PLPP1: variants seen among roughly 807,000 people sequenced by gnomAD.
PLPP1 encodes lipid phosphate phosphohydrolase 1a.
In PLPP1, 24 loss-of-function variants were observed where a neutral mutation model predicts 31.2. The ratio of observed to expected loss-of-function variants is 0.77; its 90% CI spans 0.56 to 1.08. PLPP1 has a LOEUF of 1.08. PLPP1 is among the 50% of genes least tolerant of loss of function. The pLI, the probability that PLPP1 is intolerant of heterozygous loss-of-function variation, is 0.00. For synonymous variants in PLPP1, 146 were observed against 126.3 expected (o/e 1.16, Z -1.05); for missense variants, 319 against 342.7 (o/e 0.93, Z 0.55).
At chr5:55,465,804 T>C (rs1261104746) in intron 3 of PLPP1, among the ~76,000 whole-genome samples, 1 of 152,202 alleles carries the variant, frequency 6.6e-6, no homozygotes, top group African/African-American at 2.4e-5. Flanking sequence ...ACTCCTCCAC[T>C]GAACACTCTG....
At chr5:55,512,723 T>TAC (rs71600885) in intron 1 of PLPP1, among the ~76,000 whole-genome samples, 47 of 43,210 alleles carry the variant, frequency 1.1e-3, no homozygotes, top group Middle Eastern at 0.025. Flanking sequence ...CATTATAAAC[T>TAC]ACACACACAC....
At chr5:55,495,486 C>A (rs1037711417) in intron 1 of PLPP1, among the ~76,000 whole-genome samples, 4 of 151,970 alleles carry the variant, frequency 2.6e-5, no homozygotes, top group Non-Finnish European at 5.9e-5. Context: ...ATACAAAAAC[C>A]AAAGCTCAGA....
intron 5 of PLPP1, chr5:55,425,563 TA>T: frequency 2.2e-6 from 1 of 464,812 alleles, no homozygotes; most frequent in South Asian, 5.1e-5. Flanking sequence ...CAATACTGAA[TA>T]AAAGAGTTAT....
At chr5:55,485,479 T>C (rs1397345363) in intron 1 of PLPP1, among the ~76,000 whole-genome samples, 1 of 152,178 alleles carries the variant, frequency 6.6e-6, no homozygotes, top group Non-Finnish European at 1.5e-5. Flanking sequence ...ATCTTTTTTT[T>C]TCTTTTGGCA....
chr5:55,511,650 G>GTTTTTTTTTTT (rs1158182340), intron 1 of PLPP1, among the ~76,000 whole-genome samples: 3 of 51,496 alleles, frequency 5.8e-5, no homozygotes, highest in African/African-American at 2.7e-4. Context: ...CACGTGTTGA[G>GTTTTTTTTTTT]TTTTTTTTTT....
chr5:55,428,383 G>A (rs1265511690), intron 4 of PLPP1, among the ~76,000 whole-genome samples: 1 of 152,160 alleles, frequency 6.6e-6, no homozygotes, highest in Non-Finnish European at 1.5e-5. Context: ...TTCCATTTCT[G>A]TAGAGCTCAA....
chr5:55,474,967 T>C (rs1030919623), intron 2 of PLPP1, among the ~76,000 whole-genome samples: 19 of 152,246 alleles, frequency 1.2e-4, no homozygotes, highest in African/African-American at 4.6e-4. Flanking sequence ...TGTTGCAGTG[T>C]TGTCTGGGCT....
intron 1 of PLPP1, among the ~76,000 whole-genome samples, chr5:55,500,845 T>C (rs1406839697): frequency 6.6e-6 from 1 of 152,228 alleles, no homozygotes; most frequent in East Asian, 1.9e-4. Flanking sequence ...GTGTTTGAGA[T>C]GCTCTATCAC....
intron 4 of PLPP1, among the ~76,000 whole-genome samples, chr5:55,427,004 C>G (rs1430709861): frequency 6.6e-6 from 1 of 151,932 alleles, no homozygotes; most frequent in African/African-American, 2.4e-5. Flanking sequence ...ATTCCCCTTT[C>G]TCATGTCAGT....
At chr5:55,530,383 G>T (rs954335653) in intron 1 of PLPP1, 2 of 1,302,328 alleles carry the variant, frequency 1.5e-6, no homozygotes, top group Non-Finnish European at 2.2e-6. Flanking sequence ...TCCAGTAAAC[G>T]CTCTCTGGTA....
intron 1 of PLPP1, among the ~76,000 whole-genome samples, chr5:55,534,301 G>A (rs1400575197): frequency 6.6e-6 from 1 of 152,296 alleles, no homozygotes; most frequent in East Asian, 1.9e-4. Context: ...GCAAACAGAG[G>A]ACAGGAGCAA....
At chr5:55,530,964 C>A (rs1274576623) in intron 1 of PLPP1, among the ~76,000 whole-genome samples, 4 of 152,190 alleles carry the variant, frequency 2.6e-5, no homozygotes, top group Non-Finnish European at 4.4e-5. Context: ...GTGACGGTGA[C>A]GGCCCGGGGC....
Position 55,467,451 on chromosome 5 carries a change from C to T in PLPP1, c.491+418G>A, listed in dbSNP as rs977948875. ...CTGTTACCCCAGCACTTTGGGAGGC[C>T]AAGGTGGAAGGATCACTTGAGCCCA... On this transcript the variant is annotated intron_variant, in intron 3 of 5. Transcript: ENST00000307259. Among the ~76,000 whole-genome samples the T allele has an allele frequency of 6.6e-5, 10 of 151,250 alleles. No homozygotes were observed. The East Asian group carries it at 1.9e-3, about 29-fold the overall frequency.
chr5:55,517,909 G>A (rs970204717), intron 1 of PLPP1, among the ~76,000 whole-genome samples: 3 of 152,192 alleles, frequency 2.0e-5, no homozygotes, highest in Admixed American at 6.5e-5. Flanking sequence ...GTGCAGTGGC[G>A]CAATCTCAGC....
chr5:55,490,289 T>C (rs1723486793), intron 1 of PLPP1, among the ~76,000 whole-genome samples: 1 of 151,938 alleles, frequency 6.6e-6, no homozygotes, highest in Admixed American at 6.6e-5. Flanking sequence ...TAGCTGGGAT[T>C]ACAGGCATGC....
At chr5:55,434,712 G>A (rs2111683717) in intron 4 of PLPP1, among the ~76,000 whole-genome samples, 1 of 152,172 alleles carries the variant, frequency 6.6e-6, no homozygotes, top group Non-Finnish European at 1.5e-5. Flanking sequence ...GGGAAAATTG[G>A]ATATCCATAT....
chr5:55,443,190 AAAATAT>A (rs1424871996), intron 3 of PLPP1, among the ~76,000 whole-genome samples: 2 of 20,418 alleles, frequency 9.8e-5, no homozygotes, highest in African/African-American at 2.2e-4. Flanking sequence ...AAAAAAAAAA[AAAATAT>A]ATATATATAT....
intron 1 of PLPP1, 112 bp downstream of exon 1, chr5:55,534,460 C>G (rs1740805759): frequency 1.7e-6 from 2 of 1,149,696 alleles, no homozygotes; most frequent in African/African-American, 3.2e-5. Context: ...GTGTGTCGCC[C>G]CACAGCTGCG....
At chr5:55,481,091 G>A (rs1028028880) in intron 1 of PLPP1, among the ~76,000 whole-genome samples, 1 of 152,126 alleles carries the variant, frequency 6.6e-6, no homozygotes, top group Non-Finnish European at 1.5e-5. Context: ...ACACTTCGCC[G>A]TCCTTTATTA....
Sources: allele counts gnomAD v4.1 joint callset (sites outside exome capture counted in the v4.1 genomes callset), GRCh38; gene constraint gnomAD v4.1.1; transcripts MANE v1.5; gene names NCBI Gene and HGNC (gene_info 2026-07-23, HGNC 2026-07-21).